The following PDE10A variants were observed in gnomAD, a reference collection of about 807,000 sequenced individuals.
PDE10A encodes cAMP and cAMP-inhibited cGMP 3',5'-cyclic phosphodiesterase 10A.
PDE10A carries 39 observed loss-of-function variants against 97.7 expected under a neutral mutation model. That is an observed-to-expected ratio of 0.40 (90% CI 0.31 to 0.52). The LOEUF (loss-of-function observed/expected upper bound fraction) is 0.52. Ranked by LOEUF, PDE10A falls within the 20% of genes least tolerant of loss-of-function variation. The probability of loss-of-function intolerance (pLI) is 0.56; values close to 1 mark genes in which losing one functional copy is unlikely to be tolerated. For missense variants in PDE10A, 731 were observed against 1,047.8 expected, an observed-to-expected ratio of 0.70 and a Z score of 4.17; for synonymous variants, 371 against 376.8, an observed-to-expected ratio of 0.98 and a Z score of 0.18.
At chr6:165,858,790 T>C (rs1562770875) in intron 1 of PDE10A, among the ~76,000 whole-genome samples, 1 of 152,170 alleles carries the variant, frequency 6.6e-6, no homozygotes, top group African/African-American at 2.4e-5. Flanking sequence ...AATCCATGTT[T>C]CCCCGGGGGT....
chr6:165,854,573 G>A (rs1011178269), intron 1 of PDE10A, among the ~76,000 whole-genome samples: 1 of 152,136 alleles, frequency 6.6e-6, no homozygotes, highest in Non-Finnish European at 1.5e-5. Context: ...GCGGCACAGA[G>A]GGAGCCCGGG....
At chr6:165,934,551 C>T (rs960112117) in intron 1 of PDE10A, among the ~76,000 whole-genome samples, 1 of 152,080 alleles carries the variant, frequency 6.6e-6, no homozygotes, top group Non-Finnish European at 1.5e-5. Flanking sequence ...ATTAATTTTG[C>T]ATTTATTATA....
At chr6:165,413,062 T>C (rs1788008250) in intron 13 of PDE10A, among the ~76,000 whole-genome samples, 1 of 151,910 alleles carries the variant, frequency 6.6e-6, no homozygotes, top group Admixed American at 6.6e-5. Context: ...ATGGACAACC[T>C]GGTGCCTCAC....
At chr6:165,685,203 A>C (rs1215051159) in intron 1 of PDE10A, among the ~76,000 whole-genome samples, 1 of 152,178 alleles carries the variant, frequency 6.6e-6, no homozygotes, top group African/African-American at 2.4e-5. Context: ...GTAAGAATAT[A>C]GTAAACAATC....
chr6:165,385,114 T>G (rs1785208127), intron 17 of PDE10A, among the ~76,000 whole-genome samples: 1 of 152,152 alleles, frequency 6.6e-6, no homozygotes, highest in African/African-American at 2.4e-5. Context: ...TACCCAAGGA[T>G]AGCATCTTAA....
intron 1 of PDE10A, among the ~76,000 whole-genome samples, chr6:165,749,457 CCAT>C (rs1325000220): frequency 7.7e-5 from 3 of 38,770 alleles, no homozygotes; most frequent in South Asian, 8.9e-4. Flanking sequence ...CATCACATCA[CCAT>C]CATCAACAAC....
At chr6:165,669,236 A>G (rs1409724979) in intron 1 of PDE10A, among the ~76,000 whole-genome samples, 1 of 152,238 alleles carries the variant, frequency 6.6e-6, no homozygotes, top group Non-Finnish European at 1.5e-5. Flanking sequence ...TGTTCTCTAT[A>G]GGACTGATTA....
At chr6:165,425,634 A>C (rs1439650819) in intron 10 of PDE10A, among the ~76,000 whole-genome samples, 1 of 152,160 alleles carries the variant, frequency 6.6e-6, no homozygotes, top group East Asian at 1.9e-4. Flanking sequence ...TGAGACAAGA[A>C]AGTCCACACT....
intron 21 of PDE10A, among the ~76,000 whole-genome samples, chr6:165,335,285 A>G (rs762224695): frequency 2.0e-5 from 3 of 152,166 alleles, no homozygotes; most frequent in Non-Finnish European, 4.4e-5. Flanking sequence ...TTCAAAATTT[A>G]AGGTCCCCTT....
intron 1 of PDE10A, among the ~76,000 whole-genome samples, chr6:165,741,278 T>C (rs1482218621): frequency 4.6e-5 from 7 of 152,332 alleles, no homozygotes; most frequent in Non-Finnish European, 1.0e-4. Flanking sequence ...GCCTCATAAT[T>C]GACAGAAAAT....
Position 165,655,052 on chromosome 6 carries a change from C to G in PDE10A, c.865+6895G>C, listed in dbSNP as rs1789869780. The stretch of plus-strand genomic sequence containing the variant: ...TGCAGAGTCCAAATCTCTCTTTCTA[C>G]TCCGGCTCATAGCACAGAATTCCAG... On this transcript the variant is annotated intron_variant, in intron 1 of 21. Coordinates refer to ENST00000539869, the MANE Select transcript of PDE10A (RefSeq NM_001385079.1). The surrounding 1 kb of genome is among the most constrained non-coding windows in gnomAD (Gnocchi z 4.5). Among the ~76,000 whole-genome samples the G allele has an allele frequency of 6.6e-6, 1 of 152,226 alleles. No individual in the cohort carries two copies. Among genetic ancestry groups the G allele is most frequent in the South Asian group, 2.1e-4 (1 of 4,828 alleles).
intron 1 of PDE10A, among the ~76,000 whole-genome samples, chr6:165,657,763 T>A (rs1230952093): frequency 6.6e-6 from 1 of 152,260 alleles, no homozygotes; most frequent in Non-Finnish European, 1.5e-5. Context: ...TAAGTATTAA[T>A]AACTTAAAGA....
chr6:165,676,851 A>T (rs2128438247), intron 1 of PDE10A, among the ~76,000 whole-genome samples: 1 of 152,120 alleles, frequency 6.6e-6, no homozygotes, highest in East Asian at 2.0e-4. Flanking sequence ...GTCGGCATGG[A>T]CTTGCAACTG....
chr6:165,714,773 T>G (rs1394183265), intron 1 of PDE10A, among the ~76,000 whole-genome samples: 1 of 152,198 alleles, frequency 6.6e-6, no homozygotes, highest in Non-Finnish European at 1.5e-5. Context: ...CCCCAGAGTC[T>G]CAGGCAGGAG....
At chr6:165,343,721 C>T (rs568894705) in intron 18 of PDE10A, among the ~76,000 whole-genome samples, 1 of 152,172 alleles carries the variant, frequency 6.6e-6, no homozygotes, top group Admixed American at 6.5e-5. Context: ...GTGAGGAGTG[C>T]ATCATATGTT....
At position 165,576,135 on chromosome 6, in the gene PDE10A, C is replaced by T. The variant is rs1036743707; in HGVS notation, c.866-32567G>A. Among the ~76,000 whole-genome samples the T allele has an allele frequency of 3.9e-5, 6 of 152,134 alleles. No individual in the cohort carries two copies. In the East Asian group the frequency reaches 7.7e-4, roughly 20 times the overall value. On this transcript the variant is annotated intron_variant, in intron 1 of 21. Coordinates refer to ENST00000539869, the MANE Select transcript of PDE10A (RefSeq NM_001385079.1). The stretch of plus-strand genomic sequence containing the variant: ...AAAGGGAAAAATCACCCAACTAGAA[C>T]ACCACAGAAATCCTCAAAAGCCATT...
chr6:165,623,220 G>A (rs1213329583), intron 1 of PDE10A, among the ~76,000 whole-genome samples: 1 of 152,118 alleles, frequency 6.6e-6, no homozygotes, highest in African/African-American at 2.4e-5. Flanking sequence ...CCACCTCCTG[G>A]GTTCACGTGA....
chr6:165,896,892 A>C (rs1345223976), intron 1 of PDE10A, among the ~76,000 whole-genome samples: 2 of 151,650 alleles, frequency 1.3e-5, no homozygotes, highest in Non-Finnish European at 2.9e-5. Flanking sequence ...CTGGTCGTGA[A>C]CTCCAGACCT....
intron 2 of PDE10A, among the ~76,000 whole-genome samples, chr6:165,490,454 C>CT (rs1373061275): frequency 6.6e-6 from 1 of 152,156 alleles, no homozygotes. Context: ...AAAAGAAACT[C>CT]TAAATCTTGA....
Sources: gnomAD v4.1 joint callset for allele counts (sites outside exome capture counted in the v4.1 genomes callset) on GRCh38, gnomAD v4.1.1 for gene constraint, Gnocchi (gnomAD v3.1) non-coding constraint, MANE v1.5 for transcripts, NCBI Gene and HGNC (gene_info 2026-07-23, HGNC 2026-07-21) for gene names.